Variants in REV3L observed in about 807,000 individuals in gnomAD.
REV3L encodes REV3 like, DNA directed polymerase zeta catalytic subunit, also known as DNA polymerase zeta catalytic subunit.
In REV3L, 69 loss-of-function variants were observed where a neutral mutation model predicts 299.4. The ratio of observed to expected loss-of-function variants is 0.23; its 90% CI spans 0.19 to 0.28. The LOEUF (loss-of-function observed/expected upper bound fraction) is 0.28. Among genes scored for constraint, REV3L ranks in the 10% least tolerant of loss-of-function variants. The pLI is 1.00. For synonymous variants in REV3L, 1,238 were observed against 1,271.4 expected (o/e 0.97, Z 0.56); for missense variants, 3,128 against 3,693.8 (o/e 0.85, Z 3.97).
chr6:111,423,272 A>G (rs937569161), intron 1 of REV3L, among the ~76,000 whole-genome samples: 1 of 152,216 alleles, frequency 6.6e-6, no homozygotes, highest in African/African-American at 2.4e-5. Context: ...GGCTATATCC[A>G]CAAGTATCTA....
At chr6:111,310,233 AT>A (rs1313816564) in intron 29 of REV3L, 134 bp from the exon 30 acceptor site, 1 of 1,163,470 alleles carries the variant, frequency 8.6e-7, no homozygotes, top group Non-Finnish European at 1.2e-6. Context: ...CAGAATTACT[AT>A]TTCTTTGAGA....
chr6:111,367,520 C>G lies in REV3L; in HGVS notation c.6268G>C (p.Glu2090Gln). Residue 2090 changes from glutamate (E) to glutamine (Q), a missense_variant, in exon 14 of 32, where the codon GAA (glutamate) becomes CAA (glutamine). Glu to Gln is a conservative substitution (Grantham distance 29). Around this residue, in one of 9 missense-constraint regions of REV3L, gnomAD observed 2,409 missense variants for 2,611.8 expected, o/e 0.92. Transcript: ENST00000368802. ...GCAACTGGTGGCAGCATCTGACTTT[C>G]ACTTGCAGTTTGACTACATCCCGTG... Reference protein sequence around the residue: ...PTTGCSQTASESQMLPPVASA... With the variant: ...PTTGCSQTASQSQMLPPVASA... 2.5e-6 allele frequency: 4 copies of G among 1,611,414 alleles called. No homozygotes were observed. Among genetic ancestry groups the G allele is most frequent in the Non-Finnish European group, 3.4e-6 (4 of 1,177,840 alleles).
intron 1 of REV3L, among the ~76,000 whole-genome samples, chr6:111,457,085 TC>T (rs1450504392): frequency 2.0e-5 from 3 of 152,076 alleles, no homozygotes; most frequent in Non-Finnish European, 4.4e-5. Flanking sequence ...CAAACCACTT[TC>T]TTAACATAAA....
At chr6:111,363,256 A>G (rs768912925) in intron 16 of REV3L, among the ~76,000 whole-genome samples, 7 of 152,144 alleles carry the variant, frequency 4.6e-5, no homozygotes, top group Non-Finnish European at 7.4e-5. Context: ...CAGATGTGAC[A>G]TAACATCTTA....
In REV3L at chr6:111,405,541, A is replaced by G; in HGVS notation, c.494T>C (p.Ile165Thr). The change falls in exon 4 of 32, where the codon ATT (isoleucine) becomes ACT (threonine). Residue 165 changes from isoleucine to threonine, a missense_variant. Around this residue, in one of 9 missense-constraint regions of REV3L, gnomAD observed 2,409 missense variants for 2,611.8 expected, o/e 0.92. Transcript: ENST00000368802. ...ATTCATGCCATAAAGATTGTAGTCA[A>G]TGAAGAGCTGTAGGAGGTAGGGAAT... Reference protein sequence around the residue: ...AHIPYLLQLFIDYNLYGMNLI... With the variant: ...AHIPYLLQLFTDYNLYGMNLI... 1 of 1,609,886 alleles carries G rather than the reference A, an allele frequency of 6.2e-7. No individual in the cohort carries two copies.
At chr6:111,355,453 A>G (rs1777993080) in intron 18 of REV3L, among the ~76,000 whole-genome samples, 2 of 152,156 alleles carry the variant, frequency 1.3e-5, no homozygotes, top group African/African-American at 4.8e-5. Context: ...GAAATAATCA[A>G]TCTTTTTGCA....
chr6:111,481,818 A>C (rs919526100), intron 1 of REV3L, among the ~76,000 whole-genome samples: 1 of 152,170 alleles, frequency 6.6e-6, no homozygotes, highest in Non-Finnish European at 1.5e-5. Context: ...TTTTTATATT[A>C]TCATAAGCCC....
In REV3L at chr6:111,322,579, C is replaced by T. The variant is rs567179227; in HGVS notation, c.8341G>A (p.Asp2781Asn). 74 of 1,613,228 alleles carry T rather than the reference C, an allele frequency of 4.6e-5. No individual in the cohort carries two copies. Among genetic ancestry groups the T allele is most frequent in the Non-Finnish European group, 5.8e-5 (68 of 1,179,220 alleles). ...CCAAAAACCCATTACCTGTCAGTATCGCCATATACAACCCTAGCCCCCCAT... is the reference window on the plus strand; with the variant it reads ...CCAAAAACCCATTACCTGTCAGTATTGCCATATACAACCCTAGCCCCCCAT... ...KKWGARVVYG[D>N]TDSMFVLLKG... The change falls in exon 26 of 32, where the codon GAT becomes AAT. Residue 2781 changes from aspartate (D) to asparagine (N), a missense_variant. Physicochemically the swap from Asp to Asn is conservative, Grantham distance 23. Transcript: ENST00000368802.
chr6:111,341,327 C>T (rs192192582), intron 21 of REV3L, among the ~76,000 whole-genome samples: 48 of 152,278 alleles, frequency 3.2e-4, no homozygotes, highest in Middle Eastern at 6.8e-3. Flanking sequence ...AAATTACAGG[C>T]GTGAGCCACT....
intron 21 of REV3L, among the ~76,000 whole-genome samples, chr6:111,342,139 T>C (rs1225568952): frequency 6.6e-6 from 1 of 152,196 alleles, no homozygotes; most frequent in African/African-American, 2.4e-5. Context: ...TACTTGCCTG[T>C]TCCAACCATA....
chr6:111,356,225 TCTTGCTTTAGGCATCTA>T (rs1778076295), intron 18 of REV3L, among the ~76,000 whole-genome samples: 1 of 152,186 alleles, frequency 6.6e-6, no homozygotes, highest in Admixed American at 6.5e-5. Context: ...ATGTCTTCTA[TCTTGCTTTAGGCATCTA>T]AAACCCTAAA....
intron 25 of REV3L, among the ~76,000 whole-genome samples, chr6:111,324,355 T>G (rs571685873): frequency 6.6e-6 from 1 of 152,204 alleles, no homozygotes; most frequent in Non-Finnish European, 1.5e-5. Context: ...TCAGAAAATC[T>G]TGAGAATGTA....
At chr6:111,341,353 C>T (rs559081239) in intron 21 of REV3L, among the ~76,000 whole-genome samples, 3 of 152,280 alleles carry the variant, frequency 2.0e-5, no homozygotes, top group Admixed American at 2.0e-4. Context: ...CAGCCAACTT[C>T]GCCTCAGCTT....
At chr6:111,413,101 T>C (rs951281886) in intron 2 of REV3L, among the ~76,000 whole-genome samples, 35 of 152,152 alleles carry the variant, frequency 2.3e-4, no homozygotes, top group African/African-American at 7.2e-4. Flanking sequence ...CCATGAAGAA[T>C]TGGTTAAAGA....
At chr6:111,323,742 A>G (rs1338284324) in intron 25 of REV3L, among the ~76,000 whole-genome samples, 1 of 152,234 alleles carries the variant, frequency 6.6e-6, no homozygotes, top group Non-Finnish European at 1.5e-5. Context: ...TTGCCATTCA[A>G]CATAAAACAT....
rs950926794 is a variant in REV3L at position 111,369,817 on chromosome 6, A to G, written c.5760-1789T>C. Among the ~76,000 whole-genome samples, 4 of 152,050 alleles carry G rather than the reference A, an allele frequency of 2.6e-5. No individual in the cohort carries two copies. The East Asian group carries it at 5.8e-4, about 22-fold the overall frequency. ...TATTTTTTCTTCTTTCATACTTCCT[A>G]AATTTTCTATATTGAATATACAGTT... On this transcript the variant is annotated intron_variant, in intron 13 of 31. Coordinates refer to ENST00000368802, the MANE Select transcript of REV3L (RefSeq NM_001372078.1).
chr6:111,316,725 A>G (rs1417859813), intron 26 of REV3L, among the ~76,000 whole-genome samples: 1 of 152,174 alleles, frequency 6.6e-6, no homozygotes, highest in Non-Finnish European at 1.5e-5. Flanking sequence ...TTAACTGAAA[A>G]ATAGTTAGAA....
At chr6:111,314,111 T>C (rs1773270275) in intron 27 of REV3L, among the ~76,000 whole-genome samples, 1 of 152,204 alleles carries the variant, frequency 6.6e-6, no homozygotes, top group South Asian at 2.1e-4. Context: ...AGGGCAGGAC[T>C]GTGTCTTATG....
intron 21 of REV3L, among the ~76,000 whole-genome samples, chr6:111,343,679 A>G (rs1394692158): frequency 6.6e-6 from 1 of 152,112 alleles, no homozygotes; most frequent in Admixed American, 6.6e-5. Context: ...ACAGGCATGC[A>G]TCACCACACC....
Sources: allele counts gnomAD v4.1 joint callset (sites outside exome capture counted in the v4.1 genomes callset), GRCh38; gene constraint gnomAD v4.1.1; regional missense constraint gnomAD v4.1.1; transcripts MANE v1.5; gene names NCBI Gene and HGNC (gene_info 2026-07-23, HGNC 2026-07-21).